RBFOX1: variants seen among roughly 807,000 people sequenced by gnomAD.
The protein encoded by RBFOX1 is RNA binding fox-1 homolog 1, also known as RNA binding protein fox-1 homolog 1.
In RBFOX1, 8 loss-of-function variants were observed where a neutral mutation model predicts 57.7. That is an observed-to-expected ratio of 0.14 (90% CI 0.08 to 0.25). The LOEUF (loss-of-function observed/expected upper bound fraction) is 0.25. Among genes scored for constraint, RBFOX1 ranks in the 10% least tolerant of loss-of-function variants. The pLI, the probability that RBFOX1 is intolerant of heterozygous loss-of-function variation, is 1.00. For synonymous variants in RBFOX1, 326 were observed against 222.4 expected (o/e 1.47, Z -4.15); for missense variants, 611 against 548.5 (o/e 1.11, Z -1.14).
intron 2 of RBFOX1, among the ~76,000 whole-genome samples, chr16:5,583,377 C>A (rs1465681542): frequency 6.6e-6 from 1 of 152,200 alleles, no homozygotes; most frequent in South Asian, 2.1e-4. Context: ...GTTGGCCAAT[C>A]CCAGCGGCCA....
At chr16:7,027,047 A>G (rs757778130) in intron 3 of RBFOX1, among the ~76,000 whole-genome samples, 6 of 152,108 alleles carry the variant, frequency 3.9e-5, no homozygotes, top group Non-Finnish European at 8.8e-5. Context: ...CTCCCTGAAC[A>G]ATAGGACCCT....
chr16:7,038,028 A>G (rs977119534), intron 3 of RBFOX1, among the ~76,000 whole-genome samples: 4 of 152,218 alleles, frequency 2.6e-5, no homozygotes, highest in African/African-American at 9.6e-5. Flanking sequence ...TGTCTTGAGA[A>G]CATATATTCT....
chr16:6,846,284 C>T (rs902250207), intron 3 of RBFOX1, among the ~76,000 whole-genome samples: 1 of 152,136 alleles, frequency 6.6e-6, no homozygotes, highest in Non-Finnish European at 1.5e-5. Context: ...ATCCCCAATT[C>T]CGTGTCATCA....
At chr16:7,173,838 C>A (rs960563649) in intron 4 of RBFOX1, among the ~76,000 whole-genome samples, 2 of 152,140 alleles carry the variant, frequency 1.3e-5, no homozygotes, top group Admixed American at 6.5e-5. Context: ...TCCTATAATA[C>A]TGTGACGTTG....
chr16:7,497,599 A>G (rs1023727788), intron 4 of RBFOX1, among the ~76,000 whole-genome samples: 5 of 152,220 alleles, frequency 3.3e-5, no homozygotes, highest in Admixed American at 3.3e-4. Flanking sequence ...ACAAATGCTT[A>G]TTGTGAACCT....
chr16:5,658,782 GTATATATATAATATATGTGTA>G (rs2049542825), intron 3 of RBFOX1, among the ~76,000 whole-genome samples: 2 of 131,556 alleles, frequency 1.5e-5, no homozygotes, highest in African/African-American at 6.9e-5. Flanking sequence ...ATGTATATAT[GTATATATATAATATATGTGTA>G]TATATGTATA....
intron 4 of RBFOX1, among the ~76,000 whole-genome samples, chr16:7,149,908 C>G (rs537144009): frequency 6.6e-6 from 1 of 152,294 alleles, no homozygotes; most frequent in South Asian, 2.1e-4. Context: ...CATCTAAACT[C>G]CAGCCACATC....
chr16:6,723,476 T>A (rs2066457308), intron 3 of RBFOX1, among the ~76,000 whole-genome samples: 1 of 152,218 alleles, frequency 6.6e-6, no homozygotes, highest in Non-Finnish European at 1.5e-5. Flanking sequence ...ATTATAGTTT[T>A]GATCTGGGTA....
intron 4 of RBFOX1, among the ~76,000 whole-genome samples, chr16:7,052,625 C>A (rs915478822): frequency 6.6e-6 from 1 of 151,984 alleles, no homozygotes; most frequent in East Asian, 1.9e-4. Flanking sequence ...ATTCTGTTTC[C>A]CCACTTAAAA....
intron 3 of RBFOX1, among the ~76,000 whole-genome samples, chr16:5,692,283 T>A (rs537324131): frequency 2.0e-5 from 3 of 151,964 alleles, no homozygotes; most frequent in East Asian, 1.9e-4. Context: ...GATGCCATGT[T>A]GTGAGAAAAC....
At chr16:5,975,782 T>C (rs1165548693) in intron 4 of RBFOX1, among the ~76,000 whole-genome samples, 2 of 152,240 alleles carry the variant, frequency 1.3e-5, no homozygotes, top group East Asian at 3.8e-4. Context: ...AGAGCAGTTG[T>C]ATAATTCAAT....
At chr16:6,572,746 T>A (rs946568331) in intron 2 of RBFOX1, among the ~76,000 whole-genome samples, 1 of 152,074 alleles carries the variant, frequency 6.6e-6, no homozygotes, top group Non-Finnish European at 1.5e-5. Context: ...GTGTGAGATA[T>A]GCACCCAGCT....
chr16:5,829,230 C>T (rs1375342474), intron 3 of RBFOX1, among the ~76,000 whole-genome samples: 3 of 152,176 alleles, frequency 2.0e-5, no homozygotes, highest in African/African-American at 7.2e-5. Flanking sequence ...CAGGGACCGT[C>T]CTGCAGAGGC....
intron 4 of RBFOX1, among the ~76,000 whole-genome samples, chr16:7,190,613 G>T (rs916354683): frequency 1.3e-5 from 2 of 152,060 alleles, no homozygotes; most frequent in African/African-American, 4.8e-5. Flanking sequence ...GAGGTATAGA[G>T]GGTTGGTAGA....
intron 3 of RBFOX1, among the ~76,000 whole-genome samples, chr16:5,634,954 C>T (rs888149469): frequency 5.3e-5 from 8 of 152,168 alleles, no homozygotes; most frequent in African/African-American, 1.4e-4. Flanking sequence ...TTCCCCTATA[C>T]CAATTACTGT....
At chr16:6,647,982 C>G (rs150997698) in intron 2 of RBFOX1, among the ~76,000 whole-genome samples, 3 of 152,104 alleles carry the variant, frequency 2.0e-5, no homozygotes, top group Admixed American at 2.0e-4. Context: ...GCTGGAATTA[C>G]ACGTGTGTGC....
chr16:6,818,303 A>C (rs1216633332), intron 3 of RBFOX1, among the ~76,000 whole-genome samples: 1 of 152,122 alleles, frequency 6.6e-6, no homozygotes, highest in East Asian at 1.9e-4. Context: ...GTCTTTCATT[A>C]CTATGAGAAT....
At chr16:7,582,052 C>G (rs1479079409) in intron 6 of RBFOX1, among the ~76,000 whole-genome samples, 1 of 144,234 alleles carries the variant, frequency 6.9e-6, no homozygotes, top group East Asian at 2.3e-4. Context: ...TTTTTTGTGA[C>G]AAAGTCTTAG....
At chr16:7,124,918 A>C (rs1474782287) in intron 4 of RBFOX1, among the ~76,000 whole-genome samples, 1 of 152,140 alleles carries the variant, frequency 6.6e-6, no homozygotes, top group East Asian at 1.9e-4. Flanking sequence ...GAGCTAATTA[A>C]AATCTGAGCC....
Sources: allele counts gnomAD v4.1 joint callset (sites outside exome capture counted in the v4.1 genomes callset), GRCh38; gene constraint gnomAD v4.1.1; transcripts MANE v1.5; gene names NCBI Gene and HGNC (gene_info 2026-07-23, HGNC 2026-07-21).